The following NF1 variants were observed in gnomAD, a reference collection of about 807,000 sequenced individuals.
NF1 encodes neurofibromin.
NF1 carries 122 observed loss-of-function variants against 325.7 expected under a neutral mutation model. That is an observed-to-expected ratio of 0.37 (90% CI 0.32 to 0.44). NF1 has a LOEUF of 0.44. Ranked by LOEUF, NF1 falls within the 20% of genes least tolerant of loss-of-function variation. The pLI, the probability that NF1 is intolerant of heterozygous loss-of-function variation, is 1.00. For synonymous variants in NF1, 1,091 were observed against 1,186.0 expected, an observed-to-expected ratio of 0.92 and a Z score of 1.65; for missense variants, 2,140 against 3,415.4, an observed-to-expected ratio of 0.63 and a Z score of 9.31.
chr17:31,218,842 G>C (rs2066869612), intron 13 of NF1, among the ~76,000 whole-genome samples, 163 bp from the exon 14 acceptor site: 1 of 152,112 alleles, frequency 6.6e-6, no homozygotes. Flanking sequence ...AAAGTCCTGG[G>C]CTTACAGGCG....
chr17:31,309,127 G>A (rs568766287), intron 36 of NF1, among the ~76,000 whole-genome samples: 1 of 152,198 alleles, frequency 6.6e-6, no homozygotes, highest in Non-Finnish European at 1.5e-5. Flanking sequence ...TATACCACTC[G>A]AAGTGACAGA....
At chr17:31,179,262 A>G (rs2066081409) in intron 5 of NF1, among the ~76,000 whole-genome samples, 1 of 152,224 alleles carries the variant, frequency 6.6e-6, no homozygotes, top group Non-Finnish European at 1.5e-5. Context: ...CTGAATGACT[A>G]CTGGGAAGAT....
At chr17:31,218,170 T>C (rs1011369036) in intron 13 of NF1, among the ~76,000 whole-genome samples, 3 of 152,196 alleles carry the variant, frequency 2.0e-5, no homozygotes, top group African/African-American at 4.8e-5. Context: ...GTATGTCCTT[T>C]ACCTTTGATC....
chr17:31,372,832 A>G (rs1373793335), intron 57 of NF1, among the ~76,000 whole-genome samples: 3 of 152,192 alleles, frequency 2.0e-5, no homozygotes, highest in African/African-American at 7.2e-5. Context: ...CCTTGGCAAC[A>G]TAGTGAGACT....
At chr17:31,180,381 A>G (rs559831024) in intron 5 of NF1, among the ~76,000 whole-genome samples, 7 of 152,348 alleles carry the variant, frequency 4.6e-5, no homozygotes, top group Admixed American at 1.3e-4. Context: ...AAGCACATCA[A>G]AAAGCTTGTC....
chr17:31,230,358 C>A lies in NF1; in HGVS notation c.3089C>A (p.Ser1030Ter). ...EVMMARRDDL[S>*]FCQEMKFRNK... ...ATGATGGCAAGGAGAGATGACCTCT[C>A]ATTTTGCCAAGAGATGAAATTTAGG... is the stretch of plus-strand genomic sequence containing the variant. The change falls in exon 23 of 58, where the codon TCA becomes TAA. Residue 1030 changes from serine (S) to a stop codon, truncating the protein, a stop_gained. Coordinates refer to ENST00000358273, the MANE Select transcript of NF1 (RefSeq NM_001042492.3). LOFTEE classifies it high-confidence loss of function. 1 of 1,613,444 alleles carries A rather than the reference C, an allele frequency of 6.2e-7. No individual in the cohort carries two copies. The highest frequency in any genetic ancestry group is 8.5e-7 in the Non-Finnish European group (1 of 1,179,576).
In NF1 at chr17:31,201,150, A is replaced by G. The variant is rs566220983; in HGVS notation, c.1176A>G (p.Gln392=). 1.3e-5 allele frequency: 21 copies of G among 1,614,070 alleles called. No individual in the cohort carries two copies. Among genetic ancestry groups the G allele is most frequent in the South Asian group, 3.3e-5 (3 of 91,080 alleles). ...SCFRISPHNN[Q]HFKICLAQNS... is the part of the protein sequence containing the mutation. ...TTCGTATAAGCCCTCACAACAACCA[A>G]CACTTTAAGGTGAGAGCATTGGTTT... The change falls in exon 10 of 58, where the codon CAA becomes CAG. Residue 392 remains glutamine, a synonymous_variant. Coordinates refer to ENST00000358273, the MANE Select transcript of NF1 (RefSeq NM_001042492.3).
intron 1 of NF1, among the ~76,000 whole-genome samples, chr17:31,147,683 CCT>C (rs1372280427): frequency 1.3e-5 from 2 of 152,148 alleles, no homozygotes; most frequent in Non-Finnish European, 2.9e-5. Flanking sequence ...GTAATTTGCT[CCT>C]GTTTGTAGAA....
intron 7 of NF1, among the ~76,000 whole-genome samples, chr17:31,182,102 T>C (rs2066148473): frequency 6.6e-6 from 1 of 152,162 alleles, no homozygotes; most frequent in African/African-American, 2.4e-5. Flanking sequence ...TAGGGAGATG[T>C]GTATAAAGTA....
At chr17:31,127,593 CTT>C (rs199556341) in intron 1 of NF1, among the ~76,000 whole-genome samples, 20 of 139,914 alleles carry the variant, frequency 1.4e-4, no homozygotes, top group Admixed American at 1.4e-4. Context: ...TGTCTTTATA[CTT>C]TTTTTTTTTT....
chr17:31,304,735 A>G, intron 36 of NF1: 1 of 1,614,156 alleles, frequency 6.2e-7, no homozygotes, highest in South Asian at 1.1e-5. Flanking sequence ...ACTTGATTCA[A>G]ACAACTTAAT....
At chr17:31,146,634 G>T (rs917989620) in intron 1 of NF1, among the ~76,000 whole-genome samples, 8 of 152,106 alleles carry the variant, frequency 5.3e-5, no homozygotes, top group Non-Finnish European at 1.0e-4. Context: ...CAGCTTTTTT[G>T]TTTTTATCTT....
intron 36 of NF1, among the ~76,000 whole-genome samples, chr17:31,301,108 T>A (rs1416707700): frequency 1.3e-5 from 2 of 152,054 alleles, no homozygotes; most frequent in African/African-American, 2.4e-5. Flanking sequence ...TTGGCTTTAT[T>A]ATGGTGAGGT....
At chr17:31,096,134 C>CA (rs1170276388) in intron 1 of NF1, among the ~76,000 whole-genome samples, 1 of 150,878 alleles carries the variant, frequency 6.6e-6, no homozygotes, top group African/African-American at 2.4e-5. Context: ...AGTCTCTTCC[C>CA]CCCCCCCTTT....
At chr17:31,197,029 T>A (rs1220224756) in intron 8 of NF1, among the ~76,000 whole-genome samples, 7 of 152,032 alleles carry the variant, frequency 4.6e-5, no homozygotes, top group African/African-American at 1.7e-4. Flanking sequence ...AGATTCCATA[T>A]GAATTTTAGG....
chr17:31,331,947 A>G (rs1220993480), intron 39 of NF1: 7 of 141,702 alleles, frequency 4.9e-5, no homozygotes, highest in African/African-American at 1.8e-4. Context: ...AAAGTTGTAT[A>G]TAAAAGCTTG....
chr17:31,365,803 A>T (rs1379962807), intron 57 of NF1, among the ~76,000 whole-genome samples: 1 of 152,184 alleles, frequency 6.6e-6, no homozygotes, highest in Admixed American at 6.5e-5. Context: ...CTTGTACTAT[A>T]TAGTATTCTG....
chr17:31,177,368 T>C (rs2066042905), intron 5 of NF1, among the ~76,000 whole-genome samples: 1 of 151,690 alleles, frequency 6.6e-6, no homozygotes, highest in African/African-American at 2.4e-5. Flanking sequence ...AATAGTATCA[T>C]CATCAACATC....
At chr17:31,306,400 A>G (rs2068722062) in intron 36 of NF1, among the ~76,000 whole-genome samples, 1 of 152,088 alleles carries the variant, frequency 6.6e-6, no homozygotes, top group Non-Finnish European at 1.5e-5. Context: ...TTATATATAT[A>G]GATAGATAGA....
Sources: gnomAD v4.1 joint callset for allele counts (sites outside exome capture counted in the v4.1 genomes callset) on GRCh38, gnomAD v4.1.1 for gene constraint, MANE v1.5 for transcripts, NCBI Gene and HGNC (gene_info 2026-07-23, HGNC 2026-07-21) for gene names.